The following DCAF8L2 variants were observed in gnomAD, a reference collection of about 807,000 sequenced individuals.
The protein encoded by DCAF8L2 is DDB1- and CUL4-associated factor 8-like protein 2.
For synonymous variants in DCAF8L2, 200 were observed against 190.9 expected, an observed-to-expected ratio of 1.05 and a Z score of -0.39; for missense variants, 430 against 490.7, an observed-to-expected ratio of 0.88 and a Z score of 1.17.
Position 27,748,176 on chromosome X carries a change from C to T in DCAF8L2, c.1281C>T (p.Cys427=), listed in dbSNP as rs751476265. Reference sequence around the variant, plus strand: ...GTGATTTCCCAACAAACATCACCTGCGTTGTGTACAGCCACGATGGCACAG... The same window carrying T: ...GTGATTTCCCAACAAACATCACCTGTGTTGTGTACAGCCACGATGGCACAG... The part of the protein sequence containing the change: ...VNCDFPTNIT[C]VVYSHDGTEL... Residue 427 remains cysteine (C), a synonymous_variant, in exon 5 of 5, where the codon TGC becomes TGT. Coordinates refer to ENST00000451261, the MANE Select transcript of DCAF8L2 (RefSeq NM_001353450.2). 5.8e-6 allele frequency: 7 copies of T among 1,210,408 alleles called. No individual in the cohort carries two copies. Among genetic ancestry groups the T allele is most frequent in the South Asian group, 3.5e-5 (2 of 56,843 alleles).
the DCAF8L2 span, among the ~76,000 whole-genome samples, chrX:27,572,373 TC>T: frequency 8.9e-6 from 1 of 112,002 alleles, no homozygotes; most frequent in African/African-American, 3.2e-5. Flanking sequence ...CAGGGCAATT[TC>T]GTCTCTTTAT....
At chrX:27,642,013 A>G (rs765723880) in intron 2 of DCAF8L2, among the ~76,000 whole-genome samples, 5 of 108,758 alleles carry the variant, frequency 4.6e-5, no homozygotes, top group Non-Finnish European at 9.5e-5. Context: ...CTCAGCCTCC[A>G]GAGTAGCTGG....
At chrX:27,709,381 G>A (rs1337124788) in intron 3 of DCAF8L2, among the ~76,000 whole-genome samples, 1 of 112,195 alleles carries the variant, frequency 8.9e-6, no homozygotes, top group Non-Finnish European at 1.9e-5. Flanking sequence ...GTTGATTAGT[G>A]CATAGTGAGA....
chrX:27,519,342 T>C, the DCAF8L2 span: 7 of 1,140,518 alleles, frequency 6.1e-6, no homozygotes, highest in Non-Finnish European at 8.4e-6. Flanking sequence ...GTCGAGCTGC[T>C]GAAGAGGCGA....
At chrX:27,633,820 T>G (rs1249890465) in intron 2 of DCAF8L2, 1 of 112,028 alleles carries the variant, frequency 8.9e-6, no homozygotes, top group Admixed American at 9.5e-5. Context: ...TGGTTATTTC[T>G]GATTGTGTAG....
chrX:27,476,267 TTAA>T, the DCAF8L2 span, among the ~76,000 whole-genome samples: 1 of 110,770 alleles, frequency 9.0e-6, no homozygotes, highest in African/African-American at 3.3e-5. Flanking sequence ...AGCTGGGGTC[TTAA>T]TAAAAAAAAG....
At chrX:27,721,051 T>C (rs1931885931) in intron 4 of DCAF8L2, among the ~76,000 whole-genome samples, 1 of 111,948 alleles carries the variant, frequency 8.9e-6, no homozygotes, top group Non-Finnish European at 1.9e-5. Flanking sequence ...AAAAGTGTGA[T>C]TGTTAATTGT....
At chrX:27,644,268 G>A (rs916443424) in intron 2 of DCAF8L2, among the ~76,000 whole-genome samples, 3 of 112,215 alleles carry the variant, frequency 2.7e-5, no homozygotes, top group Non-Finnish European at 5.6e-5. Flanking sequence ...CGTTTAATTT[G>A]TTGTTTGTCT....
At chrX:27,518,097 A>T in the DCAF8L2 span, 15 of 910,901 alleles carry the variant, frequency 1.6e-5, no homozygotes, top group Non-Finnish European at 2.2e-5. Context: ...TTTCTGAGGA[A>T]TTAATTCAAG....
At position 27,614,476 on chromosome X, in the gene DCAF8L2, A is replaced by C. The variant is rs1157722623; in HGVS notation, c.-341-17403A>C. Among the ~76,000 whole-genome samples, 6 of 110,148 alleles carry C rather than the reference A, an allele frequency of 5.4e-5. No individual in the cohort carries two copies. The East Asian group carries it at 1.7e-3, about 32-fold the overall frequency. ...CTTCAGTTCTGCTCTGATCTTAGTT[A>C]TTTCTAGCCTTTTGCTAGCTTTTGA... is the stretch of plus-strand genomic sequence containing the variant. On this transcript the variant is annotated intron_variant, in intron 1 of 4. Coordinates refer to ENST00000451261, the MANE Select transcript of DCAF8L2 (RefSeq NM_001353450.2).
the DCAF8L2 span, among the ~76,000 whole-genome samples, chrX:27,544,678 G>A: frequency 0.096 from 10,714 of 111,387 alleles, 405 homozygotes; most frequent in Non-Finnish European, 0.12. Flanking sequence ...TTACATGTTG[G>A]TCATATAATC....
the DCAF8L2 span, among the ~76,000 whole-genome samples, chrX:27,554,737 T>A: frequency 3.6e-5 from 4 of 111,361 alleles, no homozygotes; most frequent in Non-Finnish European, 7.5e-5. Flanking sequence ...TGACTTTTAG[T>A]CATCAAATTT....
At chrX:27,485,293 C>A in the DCAF8L2 span, among the ~76,000 whole-genome samples, 4 of 111,718 alleles carry the variant, frequency 3.6e-5, no homozygotes, top group East Asian at 1.1e-3. Context: ...ACAAAAGTTC[C>A]ACATATTTTA....
In DCAF8L2 at chrX:27,747,705, C is replaced by T. The variant is rs1175623916; in HGVS notation, c.810C>T (p.His270=). ...CAGTACTGAACTTTGAAAGTGGTCA[C>T]ACAAATAATGTCTTCCAGGCCAAGT... ...QRPVLNFESG[H]TNNVFQAKFL... Residue 270 remains histidine (H), a synonymous_variant, in exon 5 of 5, where the codon CAC becomes CAT. Transcript: ENST00000451261. 8.3e-7 allele frequency: 1 copy of T among 1,210,877 alleles called. No individual in the cohort carries two copies. Among genetic ancestry groups the T allele is most frequent in the Admixed American group, 2.2e-5 (1 of 46,000 alleles).
chrX:27,534,558 T>G, the DCAF8L2 span, among the ~76,000 whole-genome samples: 1 of 112,253 alleles, frequency 8.9e-6, no homozygotes, highest in Non-Finnish European at 1.9e-5. Flanking sequence ...CAAAGTTTTA[T>G]CTTCTGCCTT....
the DCAF8L2 span, among the ~76,000 whole-genome samples, chrX:27,535,664 G>A: frequency 8.9e-6 from 1 of 111,902 alleles, no homozygotes; most frequent in East Asian, 2.8e-4. Flanking sequence ...CATGGTGCCA[G>A]AGTGCTATAC....
At chrX:27,527,246 C>T in the DCAF8L2 span, among the ~76,000 whole-genome samples, 6 of 112,003 alleles carry the variant, frequency 5.4e-5, no homozygotes, top group South Asian at 7.4e-4. Flanking sequence ...CCCCCAGCCT[C>T]GCTGCCACCT....
At chrX:27,575,016 C>T in the DCAF8L2 span, among the ~76,000 whole-genome samples, 3 of 111,645 alleles carry the variant, frequency 2.7e-5, no homozygotes, top group Non-Finnish European at 3.8e-5. Context: ...AATCGGATCA[C>T]GCGTGGGCTT....
At chrX:27,743,123 C>T (rs1243917893) in intron 4 of DCAF8L2, among the ~76,000 whole-genome samples, 7 of 110,352 alleles carry the variant, frequency 6.3e-5, no homozygotes, top group Non-Finnish European at 1.1e-4. Flanking sequence ...ACTCCGTGAC[C>T]CAGGCTGGAG....
Sources: gnomAD v4.1 joint callset for allele counts (sites outside exome capture counted in the v4.1 genomes callset) on GRCh38, gnomAD v4.1.1 for gene constraint, MANE v1.5 for transcripts, NCBI Gene and HGNC (gene_info 2026-07-23, HGNC 2026-07-21) for gene names.